The following KCNK17 variants were observed in gnomAD, a reference collection of about 807,000 sequenced individuals.
KCNK17 encodes the protein potassium two pore domain channel subfamily K member 17, also known as potassium channel subfamily K member 17.
Under a neutral mutation model 24.6 loss-of-function variants are expected in KCNK17, and 27 were observed. That is an observed-to-expected ratio of 1.10 (90% CI 0.81 to 1.51). KCNK17 has a LOEUF of 1.51. Ranked by LOEUF, KCNK17 falls within the 40% of genes most tolerant of loss-of-function variation. KCNK17 has a pLI of 0.00. For missense variants in KCNK17, 450 were observed against 436.6 expected (o/e 1.03, Z -0.27); for synonymous variants, 181 against 189.8 (o/e 0.95, Z 0.38).
chr6:39,310,867 T>G, intron 2 of KCNK17, 26 bp downstream of exon 2: 16 of 681,418 alleles, frequency 2.3e-5, no homozygotes, highest in Non-Finnish European at 3.8e-5. Context: ...CCCACCCCCA[T>G]CCCCCTGGCC....
At chr6:39,313,202 A>G (rs1210379005) in intron 1 of KCNK17, among the ~76,000 whole-genome samples, 1 of 152,198 alleles carries the variant, frequency 6.6e-6, no homozygotes, top group African/African-American at 2.4e-5. Context: ...TTCAGTCCTA[A>G]GATGCGCCAC....
rs148011564 is a variant in KCNK17 at position 39,300,312 on chromosome 6, G to T, written c.689-575C>A. Reference sequence around the variant, plus strand: ...TATTTTTTTGTATTTTAGTAGAGACGGGGTTTCACCATTGTTGCCCAGGCT... The same window carrying T: ...TATTTTTTTGTATTTTAGTAGAGACTGGGTTTCACCATTGTTGCCCAGGCT... On this transcript the variant is annotated intron_variant, in intron 4 of 4. Coordinates refer to ENST00000373231, the MANE Select transcript of KCNK17 (RefSeq NM_031460.4). The T allele has an allele frequency of 1.3e-4, 84 of 669,434 alleles. No individual in the cohort carries two copies. The East Asian group carries it at 2.2e-3, about 18-fold the overall frequency. The allele number at this position is 669,434 out of a possible 1,614,324, so 41.5% of individuals were successfully genotyped here. A position where few individuals can be genotyped will look rare whatever the true frequency, so the allele number is the denominator to read the frequency against.
rs749874067 is a variant in KCNK17, at chr6:39,303,989, A to AG, written c.655dup (p.Leu219ProfsTer64). 91 of 1,613,546 alleles carry AG rather than the reference A, an allele frequency of 5.6e-5. No homozygotes were observed. Among genetic ancestry groups the AG allele is most frequent in the Non-Finnish European group, 7.5e-5 (89 of 1,180,000 alleles). ...GTAGTCGCCGAAGCCCACGGTGCTG[A>AG]GGGTGATGAAGGCGAAGTAGAAGCC... On this transcript the variant is annotated frameshift_variant, in exon 4 of 5. Transcript: ENST00000373231. LOFTEE classifies it low-confidence loss of function (END_TRUNC).
chr6:39,309,351 C>T (rs975526333), intron 2 of KCNK17, among the ~76,000 whole-genome samples: 1 of 152,130 alleles, frequency 6.6e-6, no homozygotes, highest in African/African-American at 2.4e-5. Flanking sequence ...AATAATAAGA[C>T]CTATTCTTGG....
Position 39,314,069 on chromosome 6 carries a change from C to G in KCNK17, c.237+15G>C. ...CCATCCCGCCGCGCCCAGGCCGACG[C>G]CGCTCGCCCCTGACCCGGATCAGCG... On this transcript the variant is annotated intron_variant, in intron 1 of 4. Transcript: ENST00000373231. 1.3e-6 allele frequency: 2 copies of G among 1,550,764 alleles called. No individual in the cohort carries two copies. The highest frequency in any genetic ancestry group is 1.7e-6 in the Non-Finnish European group (2 of 1,148,170).
At chr6:39,304,366 A>AC (rs1195776697) in intron 3 of KCNK17, 129 bp downstream of exon 3, 1 of 897,144 alleles carries the variant, frequency 1.1e-6, no homozygotes, top group Non-Finnish European at 1.7e-6. Flanking sequence ...CTGAGCAGTG[A>AC]CCCCCAATCC....
intron 1 of KCNK17, among the ~76,000 whole-genome samples, chr6:39,312,581 T>C (rs1198984156): frequency 6.6e-6 from 1 of 152,128 alleles, no homozygotes; most frequent in Non-Finnish European, 1.5e-5. Context: ...ATAAAAACAG[T>C]ACCCACCTGT....
intron 2 of KCNK17, among the ~76,000 whole-genome samples, chr6:39,304,859 G>A (rs1241031310): frequency 6.6e-6 from 1 of 152,180 alleles, no homozygotes; most frequent in Non-Finnish European, 1.5e-5. Context: ...GTTCACCCTC[G>A]AAACCACCCT....
chr6:39,299,718 C>T lies in KCNK17; in HGVS notation c.708G>A (p.Arg236=), dbSNP rs1395274578. Residue 236 remains arginine (R), a synonymous_variant, in exon 5 of 5, where the codon AGG becomes AGA. Transcript: ENST00000373231. ...CCATGTTCTTGTACCACAGTGGGTA[C>T]CTCTGGGAGGGGTTCATTCCTGGGG... ...DYVIGMNPSQ[R]YPLWYKNMVS... 3.7e-6 allele frequency: 6 copies of T among 1,613,676 alleles called. No individual in the cohort carries two copies. Among genetic ancestry groups the T allele is most frequent in the Non-Finnish European group, 5.1e-6 (6 of 1,179,734 alleles).
At chr6:39,310,266 C>T (rs982815297) in intron 2 of KCNK17, among the ~76,000 whole-genome samples, 4 of 152,230 alleles carry the variant, frequency 2.6e-5, no homozygotes, top group African/African-American at 9.6e-5. Flanking sequence ...CTGAGACAAG[C>T]TCTACCTCAG....
At position 39,299,535 on chromosome 6, in the gene KCNK17, CTCCCGGTCAGG is replaced by C. The variant is rs1554190829; in HGVS notation, c.880_890del (p.Pro294AlafsTer79). The C allele has an allele frequency of 1.7e-5, 27 of 1,614,210 alleles. No individual in the cohort carries two copies. The highest frequency in any genetic ancestry group is 2.2e-5 in the Non-Finnish European group (26 of 1,180,036). ...CTTGCTGTGGGGAGTGGGACTCTGG[CTCCCGGTCAGG>C]TCCCTGTCTCCAGCTTTGGGACTTG... On this transcript the variant is annotated frameshift_variant, in exon 5 of 5. Transcript: ENST00000373231. LOFTEE classifies it low-confidence loss of function (END_TRUNC).
chr6:39,303,323 G>GCCCCAGCT (rs1408631757), intron 4 of KCNK17, among the ~76,000 whole-genome samples: 11 of 152,186 alleles, frequency 7.2e-5, no homozygotes, highest in African/African-American at 2.7e-4. Flanking sequence ...GAGCTGGGGC[G>GCCCCAGCT]CAGCCACTCC....
chr6:39,301,301 C>A, intron 4 of KCNK17, among the ~76,000 whole-genome samples: 1 of 152,214 alleles, frequency 6.6e-6, no homozygotes, highest in Non-Finnish European at 1.5e-5. Flanking sequence ...CTTCGTCATC[C>A]TTTTCTGTCT....
chr6:39,312,295 T>C (rs1336097432), intron 1 of KCNK17, among the ~76,000 whole-genome samples: 1 of 151,718 alleles, frequency 6.6e-6, no homozygotes, highest in Non-Finnish European at 1.5e-5. Flanking sequence ...CCACATCTGG[T>C]GCTCAGAAAG....
At position 39,299,537 on chromosome 6, in the gene KCNK17, C is replaced by G; in HGVS notation, c.889G>C (p.Glu297Gln). 1 of 1,614,104 alleles carries G rather than the reference C, an allele frequency of 6.2e-7. No individual in the cohort carries two copies. The highest frequency in any genetic ancestry group is 8.5e-7 in the Non-Finnish European group (1 of 1,179,954). Residue 297 changes from glutamate (E) to glutamine (Q), a missense_variant, in exon 5 of 5, where the codon GAG becomes CAG. Transcript: ENST00000373231. ...SQSWRQGPDR[E>Q]PESHSPQQGC... Reference sequence around the variant, plus strand: ...TGCTGTGGGGAGTGGGACTCTGGCTCCCGGTCAGGTCCCTGTCTCCAGCTT... The same window carrying G: ...TGCTGTGGGGAGTGGGACTCTGGCTGCCGGTCAGGTCCCTGTCTCCAGCTT...
chr6:39,311,415 T>C (rs1250650523), intron 1 of KCNK17, among the ~76,000 whole-genome samples: 1 of 152,192 alleles, frequency 6.6e-6, no homozygotes, highest in Non-Finnish European at 1.5e-5. Flanking sequence ...CCCTCAGTGG[T>C]ACATAGATAA....
intron 2 of KCNK17, among the ~76,000 whole-genome samples, chr6:39,305,507 C>T (rs1762020293): frequency 6.6e-6 from 1 of 151,940 alleles, no homozygotes; most frequent in Admixed American, 6.6e-5. Flanking sequence ...GGGGGGTGGT[C>T]TCTGATCCTC....
chr6:39,309,821 C>A (rs987862579), intron 2 of KCNK17, among the ~76,000 whole-genome samples: 1 of 152,072 alleles, frequency 6.6e-6, no homozygotes, highest in Non-Finnish European at 1.5e-5. Flanking sequence ...TGTAATAGAC[C>A]CTTGGGGATG....
intron 2 of KCNK17, among the ~76,000 whole-genome samples, chr6:39,308,439 C>T (rs761018356): frequency 7.2e-5 from 11 of 152,166 alleles, no homozygotes; most frequent in Non-Finnish European, 1.0e-4. Flanking sequence ...TACAGGCACC[C>T]GCCACCACGT....
Sources: allele counts gnomAD v4.1 joint callset (sites outside exome capture counted in the v4.1 genomes callset), GRCh38; gene constraint gnomAD v4.1.1; transcripts MANE v1.5; gene names NCBI Gene and HGNC (gene_info 2026-07-23, HGNC 2026-07-21).